TBCE: variants seen among roughly 807,000 people sequenced by gnomAD.
TBCE encodes the protein tubulin-specific chaperone E.
TBCE carries 53 observed loss-of-function variants against 77.0 expected under a neutral mutation model. The ratio of observed to expected loss-of-function variants is 0.69; its 90% CI spans 0.55 to 0.87. TBCE has a LOEUF of 0.87. Among genes scored for constraint, TBCE ranks in the 40% least tolerant of loss-of-function variants. The pLI is 0.00. For synonymous variants in TBCE, 235 were observed against 241.3 expected, an observed-to-expected ratio of 0.97 and a Z score of 0.24; for missense variants, 624 against 622.4, an observed-to-expected ratio of 1.00 and a Z score of -0.03.
chr1:235,377,090 A>G (rs1677344589), intron 1 of TBCE, among the ~76,000 whole-genome samples: 1 of 152,204 alleles, frequency 6.6e-6, no homozygotes, highest in African/African-American at 2.4e-5. Flanking sequence ...CCCCCTTCCC[A>G]ATGGCCCTGT....
chr1:235,410,755 T>C (rs1679739774), intron 3 of TBCE, among the ~76,000 whole-genome samples: 1 of 152,176 alleles, frequency 6.6e-6, no homozygotes, highest in South Asian at 2.1e-4. Flanking sequence ...TGCAGAGGGA[T>C]GAAGATCCAC....
Sources: gnomAD v4.1 joint callset for allele counts (sites outside exome capture counted in the v4.1 genomes callset) on GRCh38, gnomAD v4.1.1 for gene constraint, MANE v1.5 for transcripts, NCBI Gene and HGNC (gene_info 2026-07-23, HGNC 2026-07-21) for gene names.